ARHGAP27: variants seen among roughly 807,000 people sequenced by gnomAD.
ARHGAP27 encodes Rho GTPase activating protein 27.
Under a neutral mutation model 102.0 loss-of-function variants are expected in ARHGAP27, and 53 were observed. The observed-to-expected ratio is 0.52, with a 90% CI of 0.42 to 0.65. The LOEUF (loss-of-function observed/expected upper bound fraction) is 0.65, where lower values mean the gene tolerates loss of function less well. ARHGAP27 is among the 30% of genes least tolerant of loss of function. The pLI, the probability that ARHGAP27 is intolerant of heterozygous loss-of-function variation, is 0.00. For missense variants in ARHGAP27, 1,117 were observed against 1,256.2 expected (o/e 0.89, Z 1.68); for synonymous variants, 525 against 542.8 (o/e 0.97, Z 0.46).
chr17:45,430,143 C>T lies in ARHGAP27; in HGVS notation c.137G>A (p.Trp46Ter). Residue 46 changes from tryptophan (W) to a stop codon, truncating the protein, a stop_gained, in exon 4 of 20, where the codon TGG (tryptophan) becomes TAG (stop). Coordinates refer to ENST00000685559, the MANE Select transcript of ARHGAP27 (RefSeq NM_001282290.2). LOFTEE classifies it high-confidence loss of function. The surrounding 1 kb of genome is among the most constrained non-coding windows in gnomAD (Gnocchi z 4.4). ...GCCGCCGGGCTCACGCCGCACGTGC[C>T]ACCAGTGCTCGGTGCTGCGCCGCAG... ...RLLRRSTEHW[W>*]HVRREPGGRP... 1 of 1,532,684 alleles carries T rather than the reference C, an allele frequency of 6.5e-7. No individual in the cohort carries two copies. The allele number at this position is 1,532,684 out of a possible 1,614,324, so 94.9% of individuals were successfully genotyped here.
At position 45,416,826 on chromosome 17, in the gene ARHGAP27, C is replaced by T. The variant is rs2048507805; in HGVS notation, c.658-10743G>A. Among the ~76,000 whole-genome samples, 3 of 149,314 alleles carry T rather than the reference C, an allele frequency of 2.0e-5. 1 individual carries two copies. The South Asian group carries it at 6.4e-4, about 32-fold the overall frequency. On this transcript the variant is annotated intron_variant, in intron 4 of 19. Transcript: ENST00000685559. ...CCTCTCAAAGTCCTGGGATTACAGGCGTGAGCCACCGCGCCCGGCCTGTAT... is the reference window on the plus strand; with the variant it reads ...CCTCTCAAAGTCCTGGGATTACAGGTGTGAGCCACCGCGCCCGGCCTGTAT...
rs559138562 is a variant in ARHGAP27 at position 45,430,635 on chromosome 17, C to G, written c.-18-338G>C. Among the ~76,000 whole-genome samples, 1 of 152,290 alleles carries G rather than the reference C, an allele frequency of 6.6e-6. No individual in the cohort carries two copies. Among genetic ancestry groups the G allele is most frequent in the South Asian group, 2.1e-4 (1 of 4,828 alleles). On this transcript the variant is annotated intron_variant, in intron 3 of 19. Transcript: ENST00000685559. This position sits in a 1 kb window ranked among gnomAD's most constrained non-coding sequence, Gnocchi z 4.4. ...CTTTAAAACGAGGGGTGATTGCCCG[C>G]TCTAAGGTCGACACCACGCTTGCTT...
Position 45,396,111 on chromosome 17 carries a change from C to T in ARHGAP27, c.2258G>A (p.Arg753His), listed in dbSNP as rs763394580. ...KLRYKVDHDERLDLDDGRWED... is the reference protein window; with the variant it reads ...KLRYKVDHDEHLDLDDGRWED... ...CCAGCGCCCGTCATCCAGGTCAAGG[C>T]GCTCATCTGTGGCGGAGGAAGGGAG... Residue 753 changes from arginine to histidine, a missense_variant, in exon 18 of 20, where the codon CGC becomes CAC. Transcript: ENST00000685559. 6.2e-7 allele frequency: 1 copy of T among 1,610,858 alleles called. No homozygotes were observed. The highest frequency in any genetic ancestry group is 8.5e-7 in the Non-Finnish European group (1 of 1,178,140).
Position 45,396,979 on chromosome 17 carries a change from A to ACTCTGCTGCTCGCTC in ARHGAP27, c.1887_1888insGAGCGAGCAGCAGAG (p.Asp629_Phe630insGluArgAlaAlaGlu). 1 of 1,605,302 alleles carries ACTCTGCTGCTCGCTC rather than the reference A, an allele frequency of 6.2e-7. No individual in the cohort carries two copies. Among genetic ancestry groups the ACTCTGCTGCTCGCTC allele is most frequent in the Non-Finnish European group, 8.5e-7 (1 of 1,179,964 alleles). On this transcript the variant is annotated inframe_insertion, in exon 14 of 20. Coordinates refer to ENST00000685559, the MANE Select transcript of ARHGAP27 (RefSeq NM_001282290.2). ...CTTCCCAAGCGCTCGCTCGACCCGA[A>ACTCTGCTGCTCGCTC]GTCCACTCTGCTGCTCTCGCTCTCC...
At chr17:45,420,379 C>G (rs952715012) in intron 4 of ARHGAP27, among the ~76,000 whole-genome samples, 1 of 151,972 alleles carries the variant, frequency 6.6e-6, no homozygotes, top group African/African-American at 2.4e-5. Flanking sequence ...TAATCAGATA[C>G]ATAATTATAC....
At position 45,396,492 on chromosome 17, in the gene ARHGAP27, G is replaced by A. The variant is rs1258251215; in HGVS notation, c.2168C>T (p.Ala723Val). ...CACCCCCGCAGCGCACGTACCGCGG[G>A]CCTCGACGGCGCGGATGCACTGCTG... is the stretch of plus-strand genomic sequence containing the variant. ...FVQQCIRAVE[A>V]RGLDIDGLYR... Residue 723 changes from alanine to valine, a missense_variant, in exon 16 of 20, where the codon GCC (alanine) becomes GTC (valine). This residue lies in a region of ARHGAP27 where 493 missense variants were observed against 505.5 expected (regional missense o/e 0.98). Transcript: ENST00000685559. 1 of 1,541,016 alleles carries A rather than the reference G, an allele frequency of 6.5e-7. No homozygotes were observed. The highest frequency in any genetic ancestry group is 8.7e-7 in the Non-Finnish European group (1 of 1,149,028).
intron 12 of ARHGAP27, 21 bp from the exon 13 acceptor site, chr17:45,398,068 G>A (rs748017487): frequency 6.3e-7 from 1 of 1,586,914 alleles, no homozygotes; most frequent in Non-Finnish European, 8.6e-7. Flanking sequence ...ACAAGTCAGT[G>A]GGTCATCTCT....
intron 12 of ARHGAP27, among the ~76,000 whole-genome samples, chr17:45,398,419 G>C (rs1449570618): frequency 1.3e-5 from 2 of 152,100 alleles, no homozygotes; most frequent in Non-Finnish European, 2.9e-5. Flanking sequence ...CAGAGCACTG[G>C]CCTGCAAACT....
In ARHGAP27 at chr17:45,397,330, T is replaced by C. The variant is rs925718783; in HGVS notation, c.1843-306A>G. ...CTTTCTCTATTTTCCTCAGCTCCTC[T>C]AACTGGGTCAGCATTCCTCAATACG... On this transcript the variant is annotated intron_variant, in intron 13 of 19. Transcript: ENST00000685559. 6.3e-6 allele frequency: 8 copies of C among 1,273,864 alleles called. No individual in the cohort carries two copies. In the Admixed American group the frequency reaches 2.7e-4, roughly 43 times the overall value. 78.9% of individuals were successfully genotyped at this position (1,273,864 alleles called of 1,614,324 possible).
intron 4 of ARHGAP27, among the ~76,000 whole-genome samples, chr17:45,415,979 A>G (rs1006707113): frequency 6.6e-6 from 1 of 152,188 alleles, no homozygotes; most frequent in Non-Finnish European, 1.5e-5. Context: ...TAATTTTCTC[A>G]GATATAATAA....
chr17:45,403,481 G>T, intron 11 of ARHGAP27, 138 bp downstream of exon 11: 1 of 676,106 alleles, frequency 1.5e-6, no homozygotes, highest in Non-Finnish European at 2.5e-6. Flanking sequence ...CACTCAGGAG[G>T]GAGAGGTTGC....
chr17:45,410,861 G>C (rs2047834711), intron 4 of ARHGAP27, among the ~76,000 whole-genome samples: 2 of 151,994 alleles, frequency 1.3e-5, no homozygotes, highest in African/African-American at 4.8e-5. Context: ...AAGAGGAAGG[G>C]GTCTGGGCAG....
In ARHGAP27 at chr17:45,398,020, G is replaced by A. The variant is rs1230176401; in HGVS notation, c.1771C>T (p.Leu591=). 6 of 1,608,034 alleles carry A rather than the reference G, an allele frequency of 3.7e-6. No individual in the cohort carries two copies. Among genetic ancestry groups the A allele is most frequent in the Non-Finnish European group, 5.1e-6 (6 of 1,175,342 alleles). Residue 591 remains leucine (L), a synonymous_variant, in exon 13 of 20, where the codon CTG becomes TTG. Transcript: ENST00000685559. ...ATGGCCTCCGAGTCGTGCTGGATCA[G>A]GTACTCAGAGCCATCTCGGCTCCGT... ...ELRSRDGSEY[L]IQHDSEAIIS... is the part of the protein sequence containing the mutation.
chr17:45,397,740 G>A (rs1193037766), intron 13 of ARHGAP27: 2 of 428,152 alleles, frequency 4.7e-6, no homozygotes, highest in African/African-American at 4.0e-5. Context: ...CACCTGGAGA[G>A]TCTTCCTGCA....
intron 9 of ARHGAP27, 43 bp downstream of exon 9, chr17:45,404,226 C>T (rs374055408): frequency 8.7e-6 from 14 of 1,612,788 alleles, no homozygotes; most frequent in East Asian, 2.2e-5. Context: ...GAACCCTCCT[C>T]GCCAGCACCA....
At position 45,429,606 on chromosome 17, in the gene ARHGAP27, A is replaced by AGC. The variant is rs1186172643; in HGVS notation, c.657+15_657+16dup. On this transcript the variant is annotated intron_variant, in intron 4 of 19. Transcript: ENST00000685559. ...AGCGCGCCACCCGCCTCCGCGCCCC[A>AGC]GCGCCCGGGGAGGTACCTGCTCTGC... is the stretch of plus-strand genomic sequence containing the variant. The AGC allele has an allele frequency of 6.3e-7, 1 of 1,575,346 alleles. No individual in the cohort carries two copies. Among genetic ancestry groups the AGC allele is most frequent in the Non-Finnish European group, 8.6e-7 (1 of 1,160,882 alleles).
chr17:45,411,499 C>G (rs1174892446), intron 4 of ARHGAP27, among the ~76,000 whole-genome samples: 1 of 152,048 alleles, frequency 6.6e-6, no homozygotes, highest in African/African-American at 2.4e-5. Context: ...CCACTGTGGG[C>G]TGGGGACAAG....
At chr17:45,397,915 C>T (rs777691376) in intron 13 of ARHGAP27, 34 bp downstream of exon 13, 1 of 1,561,588 alleles carries the variant, frequency 6.4e-7, no homozygotes, top group East Asian at 2.3e-5. Context: ...CCACCCCCTC[C>T]CCACTGCCCC....
In ARHGAP27 at chr17:45,418,317, C is replaced by T. The variant is rs1260222642; in HGVS notation, c.657+11306G>A. On this transcript the variant is annotated intron_variant, in intron 4 of 19. Transcript: ENST00000685559. ...ATCCCTTAAACTTTTTTACTATTCT[C>T]CATCCTCACTGTCACTACCATATAA... 1.2e-4 allele frequency among the ~76,000 whole-genome samples: 18 copies of T among 151,112 alleles called. 1 individual carries two copies. Among genetic ancestry groups the T allele is most frequent in the Non-Finnish European group, 2.5e-4 (17 of 67,834 alleles).
Sources: gnomAD v4.1 joint callset for allele counts (sites outside exome capture counted in the v4.1 genomes callset) on GRCh38, gnomAD v4.1.1 for gene constraint, gnomAD v4.1.1 regional missense constraint, Gnocchi (gnomAD v3.1) non-coding constraint, MANE v1.5 for transcripts, NCBI Gene and HGNC (gene_info 2026-07-23, HGNC 2026-07-21) for gene names.